The following CFAP100 variants were observed in gnomAD, a reference collection of about 807,000 sequenced individuals.
CFAP100 encodes cilia- and flagella-associated protein 100.
A neutral mutation model predicts 81.5 loss-of-function variants in CFAP100; 70 were observed. The ratio of observed to expected loss-of-function variants is 0.86; its 90% CI spans 0.71 to 1.05. The LOEUF is 1.05. Among genes scored for constraint, CFAP100 ranks in the 50% least tolerant of loss-of-function variants. The pLI is 0.00. For synonymous variants in CFAP100, 341 were observed against 314.8 expected, an observed-to-expected ratio of 1.08 and a Z score of -0.88; for missense variants, 811 against 776.5, an observed-to-expected ratio of 1.04 and a Z score of -0.53.
At chr3:126,399,258 G>T (rs1030761372) in intron 2 of CFAP100, among the ~76,000 whole-genome samples, 3 of 152,076 alleles carry the variant, frequency 2.0e-5, no homozygotes, top group African/African-American at 7.2e-5. Context: ...AGTGACATTT[G>T]TTCCCCCAGA....
chr3:126,401,397 T>TTTATA (rs869308239), intron 2 of CFAP100, among the ~76,000 whole-genome samples: 1 of 76,188 alleles, frequency 1.3e-5, no homozygotes, highest in Non-Finnish European at 2.7e-5. Flanking sequence ...AAATCGTATT[T>TTTATA]TATATATATA....
At chr3:126,414,026 C>T (rs2083195564) in intron 3 of CFAP100, 59 bp from the exon 4 acceptor site, 1 of 1,302,362 alleles carries the variant, frequency 7.7e-7, no homozygotes, top group Admixed American at 1.7e-5. Flanking sequence ...GCCCCAGAGA[C>T]AGAGACCACC....
intron 3 of CFAP100, among the ~76,000 whole-genome samples, chr3:126,409,638 C>T (rs1417138235): frequency 2.0e-5 from 3 of 152,216 alleles, no homozygotes; most frequent in Non-Finnish European, 4.4e-5. Context: ...TGACTTTGTC[C>T]TCTGGGTATA....
intron 13 of CFAP100, among the ~76,000 whole-genome samples, chr3:126,430,862 T>C (rs13316625): frequency 0.084 from 12,786 of 151,996 alleles, 729 homozygotes; most frequent in South Asian, 0.15. Context: ...TCACTGGGAG[T>C]CTATAAGACA....
intron 3 of CFAP100, among the ~76,000 whole-genome samples, chr3:126,411,057 G>A (rs536367016): frequency 1.3e-4 from 20 of 152,352 alleles, no homozygotes; most frequent in African/African-American, 4.6e-4. Context: ...CTCTGTCTTC[G>A]AAGGTAGCAG....
chr3:126,410,260 A>C (rs773544139), intron 3 of CFAP100, among the ~76,000 whole-genome samples: 22 of 152,168 alleles, frequency 1.4e-4, no homozygotes, highest in Non-Finnish European at 2.9e-4. Flanking sequence ...TCGTTTCTTC[A>C]TTATGGCTTT....
At chr3:126,398,933 C>T (rs1461491456) in intron 2 of CFAP100, among the ~76,000 whole-genome samples, 1 of 152,200 alleles carries the variant, frequency 6.6e-6, no homozygotes, top group Non-Finnish European at 1.5e-5. Flanking sequence ...ACTTCACCGG[C>T]TCCATCCATT....
intron 4 of CFAP100, among the ~76,000 whole-genome samples, chr3:126,415,228 C>T (rs929199076): frequency 1.3e-5 from 2 of 152,116 alleles, no homozygotes; most frequent in Non-Finnish European, 2.9e-5. Flanking sequence ...ACGCCATCTT[C>T]ACCCACCCAA....
At chr3:126,399,125 T>A (rs2082932758) in intron 2 of CFAP100, among the ~76,000 whole-genome samples, 1 of 152,132 alleles carries the variant, frequency 6.6e-6, no homozygotes, top group Non-Finnish European at 1.5e-5. Context: ...TAAAACGCGG[T>A]GCCCCACCTG....
At chr3:126,416,724 T>A in intron 5 of CFAP100, 1 of 485,030 alleles carries the variant, frequency 2.1e-6, no homozygotes, top group Middle Eastern at 5.3e-4. Context: ...TCAATCCTAA[T>A]AGAATAGTTC....
intron 3 of CFAP100, among the ~76,000 whole-genome samples, chr3:126,407,810 A>G (rs919062876): frequency 2.6e-5 from 4 of 152,156 alleles, no homozygotes; most frequent in Admixed American, 2.0e-4. Flanking sequence ...CACCGTTAGG[A>G]GGAAGGAGGG....
intron 2 of CFAP100, among the ~76,000 whole-genome samples, chr3:126,402,444 C>G (rs1417069464): frequency 6.6e-6 from 1 of 152,156 alleles, no homozygotes; most frequent in Non-Finnish European, 1.5e-5. Flanking sequence ...TGTGGAATCA[C>G]AGGAAGGAAC....
chr3:126,427,174 C>CA, intron 13 of CFAP100, among the ~76,000 whole-genome samples: 1 of 152,232 alleles, frequency 6.6e-6, no homozygotes, highest in Middle Eastern at 3.4e-3. Flanking sequence ...TATGAAGAGT[C>CA]AAAATACCCA....
chr3:126,436,401 T>G lies in CFAP100; in HGVS notation c.1833T>G (p.Thr611=). 3 of 1,611,376 alleles carry G rather than the reference T, an allele frequency of 1.9e-6. No individual in the cohort carries two copies. Among genetic ancestry groups the G allele is most frequent in the Non-Finnish European group, 1.7e-6 (2 of 1,177,756 alleles). Reference sequence around the variant, plus strand: ...AGGAGGAGCTGCTATTTTTCTTTACTTAATCTTCGCAGACCATAGCTGTTC... The same window carrying G: ...AGGAGGAGCTGCTATTTTTCTTTACGTAATCTTCGCAGACCATAGCTGTTC... ...KEEEELLFFF[T] The change falls in exon 17 of 17, where the codon ACT becomes ACG. Residue 611 remains threonine (T), a synonymous_variant. Coordinates refer to ENST00000352312, the MANE Select transcript of CFAP100 (RefSeq NM_182628.3).
At position 126,433,184 on chromosome 3, in the gene CFAP100, G is replaced by A. The variant is rs142511131; in HGVS notation, c.1402G>A (p.Glu468Lys). The change falls in exon 14 of 17, where the codon GAG (glutamate) becomes AAG (lysine). Residue 468 changes from glutamate to lysine, a missense_variant. By Grantham distance (56) the Glu-to-Lys change is moderately conservative. Transcript: ENST00000352312. ...CAAAGCCCGAGTCTTCCACTTCGGC[G>A]AGTACAAGGGCGATCAGCAGGTAGG... Reference protein sequence around the residue: ...ELKARVFHFGEYKGDQQDKLL... With the variant: ...ELKARVFHFGKYKGDQQDKLL... 1.7e-4 allele frequency: 273 copies of A among 1,614,206 alleles called. 1 individual carries two copies. The African/African-American group carries it at 3.0e-3, about 18-fold the overall frequency.
intron 3 of CFAP100, among the ~76,000 whole-genome samples, chr3:126,410,841 G>C (rs2083142761): frequency 6.6e-6 from 1 of 152,174 alleles, no homozygotes; most frequent in Non-Finnish European, 1.5e-5. Flanking sequence ...ATTTCCTATT[G>C]CTGCTGTGAC....
intron 15 of CFAP100, 129 bp downstream of exon 15, chr3:126,434,510 A>C: frequency 1.1e-6 from 1 of 898,890 alleles, no homozygotes; most frequent in Non-Finnish European, 1.7e-6. Flanking sequence ...ATGAGAGACA[A>C]AAGCCCATGT....
intron 4 of CFAP100, among the ~76,000 whole-genome samples, chr3:126,416,112 G>T (rs1163168905): frequency 6.6e-6 from 1 of 152,120 alleles, no homozygotes; most frequent in East Asian, 1.9e-4. Context: ...TTTGACCTAG[G>T]GACCCTGACT....
At chr3:126,425,838 C>A (rs1029330688) in intron 13 of CFAP100, among the ~76,000 whole-genome samples, 8 of 152,162 alleles carry the variant, frequency 5.3e-5, no homozygotes, top group Non-Finnish European at 5.9e-5. Context: ...AGAAATAGCA[C>A]TGAACACAAT....
Sources: allele counts gnomAD v4.1 joint callset (sites outside exome capture counted in the v4.1 genomes callset), GRCh38; gene constraint gnomAD v4.1.1; transcripts MANE v1.5; gene names NCBI Gene and HGNC (gene_info 2026-07-23, HGNC 2026-07-21).